The following CYSLTR1 variants were observed in gnomAD, a reference collection of about 807,000 sequenced individuals.
The protein encoded by CYSLTR1 is cysteinyl leukotriene receptor 1.
CYSLTR1 carries 1 observed loss-of-function variant against 2.1 expected under a neutral mutation model. The ratio of observed to expected loss-of-function variants is 0.48; its 90% CI spans 0.17 to 2.28. The LOEUF is 2.28. Among genes scored for constraint, CYSLTR1 ranks in the 30% most tolerant of loss-of-function variants. The pLI, the probability that CYSLTR1 is intolerant of heterozygous loss-of-function variation, is 0.26. For synonymous variants in CYSLTR1, 110 were observed against 89.6 expected (o/e 1.23, Z -1.28); for missense variants, 299 against 250.1 (o/e 1.20, Z -1.32).
intron 1 of CYSLTR1, among the ~76,000 whole-genome samples, chrX:78,317,562 A>G (rs1218107323): frequency 2.7e-5 from 3 of 112,560 alleles, no homozygotes; most frequent in Non-Finnish European, 5.6e-5. Context: ...CACACTTGCA[A>G]AAATATGGAA....
intron 1 of CYSLTR1, among the ~76,000 whole-genome samples, chrX:78,308,966 A>T (rs922309863): frequency 1.8e-5 from 2 of 111,730 alleles, no homozygotes; most frequent in Non-Finnish European, 3.8e-5. Context: ...CTGCGTTATT[A>T]ATATCCTCAA....
At position 78,324,092 on chromosome X, in the gene CYSLTR1, G is replaced by C. The variant is rs923393341; in HGVS notation, c.-115+3213C>G. Among the ~76,000 whole-genome samples the C allele has an allele frequency of 4.5e-5, 5 of 111,914 alleles. No individual in the cohort carries two copies. In the South Asian group the frequency reaches 1.5e-3, roughly 34 times the overall value. On this transcript the variant is annotated intron_variant, in intron 1 of 2. Transcript: ENST00000373304. ...AGAAAGGAGAGGTCATGATGAGATGGAGTGGGATGAGACAGAATGAAGCAG... is the reference window on the plus strand; with the variant it reads ...AGAAAGGAGAGGTCATGATGAGATGCAGTGGGATGAGACAGAATGAAGCAG...
intron 1 of CYSLTR1, among the ~76,000 whole-genome samples, chrX:78,325,917 A>G (rs1421294214): frequency 8.9e-6 from 1 of 111,987 alleles, no homozygotes; most frequent in Non-Finnish European, 1.9e-5. Flanking sequence ...ATGCATCAAA[A>G]TTTCATTAAG....
rs369005693 is a variant in CYSLTR1 at position 78,273,053 on chromosome X, T to C, written c.694A>G (p.Ile232Val). The C allele has an allele frequency of 8.3e-6, 10 of 1,211,297 alleles. No individual in the cohort carries two copies. Among genetic ancestry groups the C allele is most frequent in the East Asian group, 5.9e-5 (2 of 33,859 alleles). The change falls in exon 3 of 3, where the codon ATA becomes GTA. Residue 232 changes from isoleucine to valine, a missense_variant. Coordinates refer to ENST00000373304, the MANE Select transcript of CYSLTR1 (RefSeq NM_006639.4). ...KKNLSSHKKAIGMIMVVTAAF... is the reference protein window; with the variant it reads ...KKNLSSHKKAVGMIMVVTAAF... Reference sequence around the variant, plus strand: ...GCGGTCACGACCATGATCATTCCTATAGCCTTTTTATGACTTGACAGATTT... The same window carrying C: ...GCGGTCACGACCATGATCATTCCTACAGCCTTTTTATGACTTGACAGATTT...
intron 1 of CYSLTR1, among the ~76,000 whole-genome samples, chrX:78,289,473 T>C (rs1275199834): frequency 1.8e-5 from 2 of 112,338 alleles, no homozygotes; most frequent in East Asian, 2.8e-4. Flanking sequence ...TTTGGGTATA[T>C]ACCCAGTAAT....
chrX:78,299,667 G>A (rs1211948151), intron 1 of CYSLTR1, among the ~76,000 whole-genome samples: 2 of 111,172 alleles, frequency 1.8e-5, no homozygotes, highest in East Asian at 5.6e-4. Flanking sequence ...AGGTATTGGA[G>A]CTTCATTGTA....
At chrX:78,312,193 G>T (rs1273409710) in intron 1 of CYSLTR1, among the ~76,000 whole-genome samples, 1 of 111,177 alleles carries the variant, frequency 9.0e-6, no homozygotes, top group Non-Finnish European at 1.9e-5. Context: ...ACAACCATCT[G>T]ATCTTTGACA....
intron 1 of CYSLTR1, among the ~76,000 whole-genome samples, chrX:78,294,399 C>T (rs760830553): frequency 8.9e-6 from 1 of 112,763 alleles, no homozygotes; most frequent in African/African-American, 3.2e-5. Flanking sequence ...TCGGCCCCTA[C>T]TGGGAGGTGA....
intron 1 of CYSLTR1, among the ~76,000 whole-genome samples, chrX:78,318,446 A>C (rs923525533): frequency 3.6e-5 from 4 of 111,728 alleles, no homozygotes; most frequent in Admixed American, 2.8e-4. Flanking sequence ...ATTAGGTTTA[A>C]TACCTTGGTG....
chrX:78,279,454 A>T (rs1921741349), intron 2 of CYSLTR1, among the ~76,000 whole-genome samples: 1 of 111,583 alleles, frequency 9.0e-6, no homozygotes, highest in African/African-American at 3.3e-5. Flanking sequence ...AAAATAATAG[A>T]TGTCGGCGAG....
chrX:78,274,324 G>C (rs1301207705), intron 2 of CYSLTR1, among the ~76,000 whole-genome samples: 1 of 110,903 alleles, frequency 9.0e-6, no homozygotes, highest in African/African-American at 3.3e-5. Context: ...ATACTACAAG[G>C]CTACAGTAAC....
intron 2 of CYSLTR1, among the ~76,000 whole-genome samples, chrX:78,280,798 A>T (rs1205001342): frequency 1.8e-5 from 2 of 111,302 alleles, no homozygotes; most frequent in Non-Finnish European, 1.9e-5. Context: ...ATGTGTTATC[A>T]CCATTTAATT....
intron 1 of CYSLTR1, chrX:78,319,512 C>T (rs1356348742): frequency 9.1e-6 from 1 of 110,142 alleles, no homozygotes; most frequent in Non-Finnish European, 1.9e-5. Flanking sequence ...TCCAGTCTAT[C>T]ATTGTTGGAC....
intron 1 of CYSLTR1, among the ~76,000 whole-genome samples, chrX:78,325,205 T>C (rs1376029291): frequency 8.9e-6 from 1 of 111,758 alleles, no homozygotes; most frequent in East Asian, 2.8e-4. Flanking sequence ...ATTGTAGGGC[T>C]AGTGACAACT....
At chrX:78,283,336 G>A (rs1921917776) in intron 2 of CYSLTR1, 118 bp downstream of exon 2, 1 of 112,037 alleles carries the variant, frequency 8.9e-6, no homozygotes, top group Non-Finnish European at 1.9e-5. Flanking sequence ...GTTAATAAAA[G>A]CTAGCAACAA....
At chrX:78,301,966 G>A (rs1339922516) in intron 1 of CYSLTR1, among the ~76,000 whole-genome samples, 1 of 112,118 alleles carries the variant, frequency 8.9e-6, no homozygotes, top group Non-Finnish European at 1.9e-5. Flanking sequence ...TTGTGCAGGA[G>A]AACTCCTCTT....
rs1215771916 is a variant in CYSLTR1 at position 78,324,914 on chromosome X, ACAC to A, written c.-115+2388_-115+2390del. Among the ~76,000 whole-genome samples the A allele has an allele frequency of 9.0e-5, 10 of 111,279 alleles. No individual in the cohort carries two copies. In the South Asian group the frequency reaches 2.3e-3, roughly 25 times the overall value. ...ATTTTAGACACACACACACACACAC[ACAC>A]AACTAGACATACTTATATATTTTAA... On this transcript the variant is annotated intron_variant, in intron 1 of 2. Coordinates refer to ENST00000373304, the MANE Select transcript of CYSLTR1 (RefSeq NM_006639.4).
At chrX:78,309,223 A>G (rs1038697559) in intron 1 of CYSLTR1, among the ~76,000 whole-genome samples, 1 of 111,361 alleles carries the variant, frequency 9.0e-6, no homozygotes, top group Non-Finnish European at 1.9e-5. Flanking sequence ...TATATCAGCA[A>G]TGAAGAGGTA....
At chrX:78,296,803 G>T (rs1464063132) in intron 1 of CYSLTR1, among the ~76,000 whole-genome samples, 1 of 111,520 alleles carries the variant, frequency 9.0e-6, no homozygotes, top group Non-Finnish European at 1.9e-5. Flanking sequence ...GAATCTTTAG[G>T]TTTTTCCAAA....
Sources: allele counts gnomAD v4.1 joint callset (sites outside exome capture counted in the v4.1 genomes callset), GRCh38; gene constraint gnomAD v4.1.1; transcripts MANE v1.5; gene names NCBI Gene and HGNC (gene_info 2026-07-23, HGNC 2026-07-21).